NFX1: variants seen among roughly 807,000 people sequenced by gnomAD.
The protein encoded by NFX1 is transcriptional repressor NF-X1.
In NFX1, 69 loss-of-function variants were observed where a neutral mutation model predicts 137.2. That is an observed-to-expected ratio of 0.50 (90% CI 0.41 to 0.61). NFX1 has a LOEUF of 0.61. Ranked by LOEUF, NFX1 falls within the 20% of genes least tolerant of loss-of-function variation. The pLI, the probability that NFX1 is intolerant of heterozygous loss-of-function variation, is 0.00. For missense variants in NFX1, 1,167 were observed against 1,391.0 expected, an observed-to-expected ratio of 0.84 and a Z score of 2.56; for synonymous variants, 495 against 474.1, an observed-to-expected ratio of 1.04 and a Z score of -0.57.
intron 4 of NFX1, among the ~76,000 whole-genome samples, chr9:33,304,776 G>A (rs998244908): frequency 2.0e-5 from 3 of 152,270 alleles, no homozygotes; most frequent in African/African-American, 7.2e-5. Context: ...AAATATTCTT[G>A]AATATACTAC....
chr9:33,359,831 G>A (rs368176377), intron 19 of NFX1, among the ~76,000 whole-genome samples: 4 of 152,164 alleles, frequency 2.6e-5, no homozygotes, highest in Admixed American at 2.0e-4. Context: ...TTATATAGAA[G>A]TTTATGGTAA....
intron 21 of NFX1, 69 bp downstream of exon 21, chr9:33,364,843 G>A: frequency 6.3e-7 from 1 of 1,586,882 alleles, no homozygotes. Context: ...AAGCAATCAA[G>A]TCCTGGAAAC....
Position 33,352,841 on chromosome 9 carries a change from T to A in NFX1, c.2729+122T>A, listed in dbSNP as rs749681973. 3 of 724,378 alleles carry A rather than the reference T, an allele frequency of 4.1e-6. No homozygotes were observed. The South Asian group carries it at 4.9e-5, about 12-fold the overall frequency. The allele number at this position is 724,378 out of a possible 1,614,324, so 44.9% of individuals were successfully genotyped here. On this transcript the variant is annotated intron_variant, in intron 17 of 23. Transcript: ENST00000379540. ...GTGGAGAAGAAACGAAGTCTGTAAC[T>A]GTTGTAATCAGTTGTAAACACCACT...
intron 7 of NFX1, among the ~76,000 whole-genome samples, chr9:33,315,687 G>A (rs1369132109): frequency 2.0e-5 from 3 of 146,740 alleles, no homozygotes; most frequent in African/African-American, 7.6e-5. Context: ...AGGAGTTTGA[G>A]ACCAGCCTGG....
intron 13 of NFX1, among the ~76,000 whole-genome samples, chr9:33,343,500 C>T (rs1041533977): frequency 1.3e-5 from 2 of 152,098 alleles, no homozygotes; most frequent in Non-Finnish European, 2.9e-5. Flanking sequence ...CACAGATAGC[C>T]TTACACAGGA....
chr9:33,344,994 T>C (rs911029968), intron 14 of NFX1, among the ~76,000 whole-genome samples: 2 of 151,642 alleles, frequency 1.3e-5, no homozygotes, highest in African/African-American at 4.9e-5. Flanking sequence ...AAACCATGTC[T>C]CTACTAAAAA....
intron 11 of NFX1, among the ~76,000 whole-genome samples, chr9:33,336,438 A>T (rs1214328559): frequency 6.6e-6 from 1 of 150,520 alleles, no homozygotes; most frequent in African/African-American, 2.4e-5. Context: ...CTGGTCTCGA[A>T]CTCCTGACCT....
At chr9:33,321,126 A>G (rs1164450749) in intron 9 of NFX1, among the ~76,000 whole-genome samples, 1 of 152,220 alleles carries the variant, frequency 6.6e-6, no homozygotes, top group African/African-American at 2.4e-5. Flanking sequence ...TAATGACCAG[A>G]AATCCTACCC....
chr9:33,302,135 C>A (rs1320472424), intron 3 of NFX1, among the ~76,000 whole-genome samples: 1 of 152,024 alleles, frequency 6.6e-6, no homozygotes, highest in Non-Finnish European at 1.5e-5. Flanking sequence ...TAATAGTTTA[C>A]ATGTTTATGG....
chr9:33,317,706 T>C (rs1587835569), intron 7 of NFX1, among the ~76,000 whole-genome samples: 2 of 151,030 alleles, frequency 1.3e-5, no homozygotes. Flanking sequence ...CCGGGCGTGG[T>C]GGCTCACGCC....
Position 33,294,825 on chromosome 9 carries a change from C to T in NFX1, c.431C>T (p.Thr144Ile), listed in dbSNP as rs1374841813. 2.5e-6 allele frequency: 4 copies of T among 1,614,062 alleles called. No homozygotes were observed. Among genetic ancestry groups the T allele is most frequent in the Non-Finnish European group, 3.4e-6 (4 of 1,180,030 alleles). The change falls in exon 2 of 24, where the codon ACA becomes ATA. Residue 144 changes from threonine to isoleucine, a missense_variant. Transcript: ENST00000379540. The stretch of plus-strand genomic sequence containing the variant: ...AGCTCGACCAGATCAGAGAGTGGGA[C>T]AGACCTCAGAGAGCATAGTCCTTCT... ...LESSTRSESG[T>I]DLREHSPSES...
chr9:33,306,639 C>T (rs1282890340), intron 4 of NFX1, among the ~76,000 whole-genome samples: 3 of 152,166 alleles, frequency 2.0e-5, no homozygotes, highest in Non-Finnish European at 4.4e-5. Flanking sequence ...TTTACTCTTC[C>T]CTGTCTCTGC....
chr9:33,298,257 C>T (rs943067283), intron 2 of NFX1, among the ~76,000 whole-genome samples: 5 of 152,176 alleles, frequency 3.3e-5, no homozygotes, highest in African/African-American at 1.2e-4. Flanking sequence ...GAATGAAGTA[C>T]AGAAATGCAC....
At position 33,313,743 on chromosome 9, in the gene NFX1, A is replaced by G. The variant is rs1341574997; in HGVS notation, c.1538A>G (p.Glu513Gly). 1.2e-5 allele frequency: 19 copies of G among 1,614,010 alleles called. No homozygotes were observed. The highest frequency in any genetic ancestry group is 1.4e-5 in the Non-Finnish European group (17 of 1,180,010). Reference sequence around the variant, plus strand: ...AACTGTGGTCAGCACCAGTGTGCTGAGCTGTGCCATGGGGGTCAGTGCCAG... The same window carrying G: ...AACTGTGGTCAGCACCAGTGTGCTGGGCTGTGCCATGGGGGTCAGTGCCAG... ...ILNCGQHQCA[E>G]LCHGGQCQPC... The change falls in exon 7 of 24, where the codon GAG (glutamate) becomes GGG (glycine). Residue 513 changes from glutamate (E) to glycine (G), a missense_variant. Glu to Gly is a moderately conservative substitution (Grantham distance 98). This residue lies in a region of NFX1 where 488 missense variants were observed against 691.5 expected (regional missense o/e 0.71). Transcript: ENST00000379540.
chr9:33,364,977 A>C (rs1330858602), intron 21 of NFX1: 4 of 1,388,284 alleles, frequency 2.9e-6, no homozygotes, highest in Non-Finnish European at 3.7e-6. Context: ...TTGACTGCAG[A>C]AAAGATCTAC....
At chr9:33,302,587 C>T (rs948888770) in intron 3 of NFX1, among the ~76,000 whole-genome samples, 22 of 151,618 alleles carry the variant, frequency 1.5e-4, no homozygotes, top group Middle Eastern at 3.4e-3. Flanking sequence ...AACTCCCAGG[C>T]TCAAGCAATT....
At chr9:33,362,692 GTTTTTTTTTTTTTT>G (rs750544815) in intron 19 of NFX1, among the ~76,000 whole-genome samples, 80 of 96,332 alleles carry the variant, frequency 8.3e-4, no homozygotes, top group African/African-American at 4.0e-3. Context: ...AGTTCCTGTG[GTTTTTTTTTTTTTT>G]TTTTTTTTTT....
At chr9:33,349,237 C>A (rs1336629436) in intron 15 of NFX1, among the ~76,000 whole-genome samples, 5 of 152,144 alleles carry the variant, frequency 3.3e-5, no homozygotes, top group African/African-American at 1.2e-4. Flanking sequence ...CCTTATGAAG[C>A]CTTCACTTTG....
intron 2 of NFX1, among the ~76,000 whole-genome samples, chr9:33,297,780 G>T (rs1188491712): frequency 1.3e-5 from 2 of 152,166 alleles, no homozygotes; most frequent in East Asian, 1.9e-4. Context: ...TTTGAGGCCT[G>T]CGGGAAAGCA....
Sources: gnomAD v4.1 joint callset for allele counts (sites outside exome capture counted in the v4.1 genomes callset) on GRCh38, gnomAD v4.1.1 for gene constraint, gnomAD v4.1.1 regional missense constraint, MANE v1.5 for transcripts, NCBI Gene and HGNC (gene_info 2026-07-23, HGNC 2026-07-21) for gene names.